ZNF236: variants seen among roughly 807,000 people sequenced by gnomAD.
The protein encoded by ZNF236 is regulated by glucose.
In ZNF236, 50 loss-of-function variants were observed where a neutral mutation model predicts 191.2. That is an observed-to-expected ratio of 0.26 (90% CI 0.21 to 0.33). The LOEUF (loss-of-function observed/expected upper bound fraction) is 0.33, where lower values mean the gene tolerates loss of function less well. ZNF236 is among the 10% of genes least tolerant of loss of function. ZNF236 has a pLI of 1.00. For synonymous variants in ZNF236, 907 were observed against 928.8 expected (o/e 0.98, Z 0.43); for missense variants, 1,754 against 2,374.5 (o/e 0.74, Z 5.43).
chr18:76,928,736 A>G (rs1329625059), intron 25 of ZNF236, among the ~76,000 whole-genome samples: 1 of 151,846 alleles, frequency 6.6e-6, no homozygotes, highest in Non-Finnish European at 1.5e-5. Context: ...ATTAATTCCC[A>G]TAGTGTGTTC....
At chr18:76,843,938 A>C (rs1190495797) in intron 1 of ZNF236, among the ~76,000 whole-genome samples, 1 of 151,292 alleles carries the variant, frequency 6.6e-6, no homozygotes, top group African/African-American at 2.4e-5. Context: ...AGCACAAGGA[A>C]GAAGGTAGAA....
intron 13 of ZNF236, among the ~76,000 whole-genome samples, chr18:76,907,679 T>G (rs1454444945): frequency 5.3e-5 from 8 of 150,744 alleles, no homozygotes; most frequent in Non-Finnish European, 1.2e-4. Flanking sequence ...AGTCAGATAA[T>G]TGTGTGAGAT....
rs1391538106 is a variant in ZNF236 at position 76,960,121 on chromosome 18, G to C, written c.5242+305G>C. 1.3e-5 allele frequency among the ~76,000 whole-genome samples: 2 copies of C among 152,108 alleles called. No individual in the cohort carries two copies. Among genetic ancestry groups the C allele is most frequent in the Non-Finnish European group, 2.9e-5 (2 of 68,032 alleles). On this transcript the variant is annotated intron_variant, in intron 29 of 30. Coordinates refer to ENST00000320610, the MANE Select transcript of ZNF236 (RefSeq NM_001306089.2). The surrounding 1 kb of genome is among the most constrained non-coding windows in gnomAD (Gnocchi z 4.4). ...TTCCCTTCTGCTGGAGCAAACAGGC[G>C]GCCCCCAGTGCCTGGGTCCCATGTC...
intron 9 of ZNF236, among the ~76,000 whole-genome samples, chr18:76,883,946 C>T (rs9966246): frequency 0.024 from 3,650 of 152,214 alleles, 126 homozygotes; most frequent in African/African-American, 0.08. Context: ...AAGCATACTC[C>T]GCCATGTAAA....
intron 27 of ZNF236, 112 bp downstream of exon 27, chr18:76,947,764 G>A: frequency 2.2e-6 from 3 of 1,364,096 alleles, no homozygotes; most frequent in Middle Eastern, 4.0e-4. Context: ...GGTGGCTGGG[G>A]CTGACTTCTG....
intron 26 of ZNF236, among the ~76,000 whole-genome samples, chr18:76,941,429 C>T (rs962816402): frequency 3.3e-5 from 5 of 152,234 alleles, no homozygotes; most frequent in African/African-American, 1.2e-4. Flanking sequence ...CTGGCCCCTG[C>T]TACGCCACGT....
At chr18:76,911,782 G>C (rs1967223999) in intron 16 of ZNF236, among the ~76,000 whole-genome samples, 2 of 152,182 alleles carry the variant, frequency 1.3e-5, no homozygotes, top group Admixed American at 1.3e-4. Context: ...GGGTTGTAAT[G>C]CCGCTGTCAG....
At chr18:76,853,383 T>G (rs549231077) in intron 3 of ZNF236, among the ~76,000 whole-genome samples, 1 of 152,238 alleles carries the variant, frequency 6.6e-6, no homozygotes, top group South Asian at 2.1e-4. Flanking sequence ...CTGGCCTGAC[T>G]TCATATTTTC....
intron 26 of ZNF236, among the ~76,000 whole-genome samples, chr18:76,939,721 TA>T (rs1968083697): frequency 6.6e-6 from 1 of 152,230 alleles, no homozygotes; most frequent in South Asian, 2.1e-4. Flanking sequence ...TGTAAAGCCT[TA>T]AGGGTGTAAT....
chr18:76,909,258 T>C (rs1967149308), intron 14 of ZNF236, among the ~76,000 whole-genome samples: 1 of 143,252 alleles, frequency 7.0e-6, no homozygotes, highest in Non-Finnish European at 1.5e-5. Context: ...GAGGTTGCAG[T>C]GAGCCGAGAT....
intron 25 of ZNF236, among the ~76,000 whole-genome samples, chr18:76,932,471 T>C (rs947315479): frequency 7.9e-5 from 12 of 152,270 alleles, no homozygotes; most frequent in African/African-American, 2.9e-4. Flanking sequence ...GTTCTTCTCA[T>C]CTCTAGAATT....
intron 5 of ZNF236, among the ~76,000 whole-genome samples, chr18:76,872,375 G>A (rs953530498): frequency 1.3e-5 from 2 of 152,218 alleles, no homozygotes; most frequent in African/African-American, 4.8e-5. Flanking sequence ...TGAAGTGGGA[G>A]GATTGCTTGA....
At chr18:76,877,958 A>C (rs1976761633) in intron 6 of ZNF236, 51 bp from the exon 7 acceptor site, 2 of 1,410,796 alleles carry the variant, frequency 1.4e-6, no homozygotes, top group Non-Finnish European at 9.6e-7. Flanking sequence ...TAGATGTTTA[A>C]ATTTAACAAT....
rs762340843 is a variant in ZNF236 at position 76,927,218 on chromosome 18, C to A, written c.4173+36C>A. 6.2e-7 allele frequency: 1 copy of A among 1,611,632 alleles called. No individual in the cohort carries two copies. Among genetic ancestry groups the A allele is most frequent in the African/African-American group, 1.3e-5 (1 of 75,000 alleles). On this transcript the variant is annotated intron_variant, in intron 23 of 30. Transcript: ENST00000320610. This position sits in a 1 kb window ranked among gnomAD's most constrained non-coding sequence, Gnocchi z 5.4. ...TTCCATGGTCTCCTGTGCTGTAATTCTCTTGGCATCACAGAGAAGCATGAA... is the reference window on the plus strand; with the variant it reads ...TTCCATGGTCTCCTGTGCTGTAATTATCTTGGCATCACAGAGAAGCATGAA...
chr18:76,881,494 A>G lies in ZNF236; in HGVS notation c.1399A>G (p.Lys467Glu). ...AAAAGAAAAAAAAATGATAAAGAAG[A>G]AGTCACCGTTTCTACCTGGTAATTT... ...DKKEKKMIKK[K>E]SPFLPGSIRE... Residue 467 changes from lysine (K) to glutamate (E), a missense_variant, in exon 9 of 31, where the codon AAG (lysine) becomes GAG (glutamate). Coordinates refer to ENST00000320610, the MANE Select transcript of ZNF236 (RefSeq NM_001306089.2). 6.2e-7 allele frequency: 1 copy of G among 1,612,010 alleles called. No individual in the cohort carries two copies. The highest frequency in any genetic ancestry group is 2.2e-5 in the East Asian group (1 of 44,878).
rs1967746167 is a variant in ZNF236, at chr18:76,927,859, T to A, written c.4415-68T>A. On this transcript the variant is annotated intron_variant, in intron 24 of 30. Transcript: ENST00000320610. The surrounding 1 kb of genome is among the most constrained non-coding windows in gnomAD (Gnocchi z 5.4). ...AATAACAGTTTAATTAAAATATTTT[T>A]AATATAAAAACAGGGGAAATTGGTT... 1.7e-6 allele frequency: 2 copies of A among 1,174,698 alleles called. No homozygotes were observed. Among genetic ancestry groups the A allele is most frequent in the South Asian group, 1.8e-5 (1 of 54,682 alleles). The allele number at this position is 1,174,698 out of a possible 1,614,324, so 72.8% of individuals were successfully genotyped here.
intron 1 of ZNF236, among the ~76,000 whole-genome samples, chr18:76,836,897 A>T (rs1316815957): frequency 6.6e-6 from 1 of 150,822 alleles, no homozygotes; most frequent in Non-Finnish European, 1.5e-5. Context: ...TTTTTTTGAG[A>T]CACAGTCTTG....
At chr18:76,932,515 C>T (rs1967884187) in intron 25 of ZNF236, among the ~76,000 whole-genome samples, 1 of 152,196 alleles carries the variant, frequency 6.6e-6, no homozygotes, top group Admixed American at 6.5e-5. Flanking sequence ...CATCTTTCCC[C>T]CGCTGCATGG....
At chr18:76,868,578 C>T in intron 3 of ZNF236, 107 bp from the exon 4 acceptor site, 2 of 887,574 alleles carry the variant, frequency 2.3e-6, no homozygotes, top group East Asian at 2.8e-5. Flanking sequence ...ATTAGAGAGA[C>T]CAAGTAGTTT....
Sources: gnomAD v4.1 joint callset for allele counts (sites outside exome capture counted in the v4.1 genomes callset) on GRCh38, gnomAD v4.1.1 for gene constraint, Gnocchi (gnomAD v3.1) non-coding constraint, MANE v1.5 for transcripts, NCBI Gene and HGNC (gene_info 2026-07-23, HGNC 2026-07-21) for gene names.